CPD: variants seen among roughly 807,000 people sequenced by gnomAD.
CPD encodes carboxypeptidase D.
Under a neutral mutation model 138.3 loss-of-function variants are expected in CPD, and 69 were observed. The observed-to-expected ratio is 0.50, with a 90% CI of 0.41 to 0.61. The LOEUF (loss-of-function observed/expected upper bound fraction) is 0.61. Ranked by LOEUF, CPD falls within the 20% of genes least tolerant of loss-of-function variation. CPD has a pLI of 0.00. For synonymous variants in CPD, 651 were observed against 642.1 expected (o/e 1.01, Z -0.21); for missense variants, 1,432 against 1,733.3 (o/e 0.83, Z 3.09).
At chr17:30,403,920 A>C (rs1381946586) in intron 2 of CPD, among the ~76,000 whole-genome samples, 1 of 152,204 alleles carries the variant, frequency 6.6e-6, no homozygotes, top group Non-Finnish European at 1.5e-5. Context: ...TATTCAATAG[A>C]ATACTTAGTA....
chr17:30,435,981 A>G (rs1277909589), intron 8 of CPD, among the ~76,000 whole-genome samples: 2 of 152,134 alleles, frequency 1.3e-5, no homozygotes, highest in Non-Finnish European at 2.9e-5. Context: ...GTACAAGGAC[A>G]CCGTCATATT....
At position 30,468,299 on chromosome 17, in the gene CPD, T is replaced by C. The variant is rs1465706694; in HGVS notation, c.*3485T>C. 6.6e-6 allele frequency: 1 copy of C among 152,592 alleles called. No individual in the cohort carries two copies. Among genetic ancestry groups the C allele is most frequent in the Non-Finnish European group, 1.5e-5 (1 of 67,982 alleles). The allele number at this position is 152,592 out of a possible 1,614,324, so 9.5% of individuals were successfully genotyped here. ...ATGATTATGATTTTTATAAATGGCATAACATGAGTGTACTAACTACCTTCT... is the reference window on the plus strand; with the variant it reads ...ATGATTATGATTTTTATAAATGGCACAACATGAGTGTACTAACTACCTTCT... On this transcript the variant is annotated 3_prime_UTR_variant, in exon 21 of 21. Coordinates refer to ENST00000225719, the MANE Select transcript of CPD (RefSeq NM_001304.5).
In CPD at chr17:30,394,116, CTTTTTTTTTTTTTTT is replaced by C. The variant is rs35779169; in HGVS notation, c.994+8895_994+8909del. Among the ~76,000 whole-genome samples, 36 of 40,858 alleles carry C rather than the reference CTTTTTTTTTTTTTTT, an allele frequency of 8.8e-4. 1 individual carries two copies. The highest frequency in any genetic ancestry group is 8.5e-3 in the East Asian group (11 of 1,288). 26.8% of individuals were successfully genotyped at this position (40,858 alleles called of 152,430 possible). On this transcript the variant is annotated intron_variant, in intron 2 of 20. Transcript: ENST00000225719. ...TATGATTGCACCACTGCACTCCAGC[CTTTTTTTTTTTTTTT>C]TTTTTTTTTTTTTTGACAGGGGAAG...
chr17:30,439,155 T>C, intron 9 of CPD, 78 bp downstream of exon 9: 1 of 757,254 alleles, frequency 1.3e-6, no homozygotes, highest in Non-Finnish European at 2.2e-6. Context: ...TGTTATTATC[T>C]TTTAGTTTTG....
At chr17:30,383,482 G>A (rs1394639316) in intron 1 of CPD, among the ~76,000 whole-genome samples, 3 of 152,220 alleles carry the variant, frequency 2.0e-5, no homozygotes, top group African/African-American at 7.2e-5. Context: ...TCCAAAGCCT[G>A]TGCCATTGCC....
intron 2 of CPD, among the ~76,000 whole-genome samples, chr17:30,396,257 C>T (rs917059660): frequency 3.3e-5 from 5 of 151,980 alleles, no homozygotes; most frequent in Admixed American, 2.0e-4. Context: ...TGTCTATATT[C>T]CTAGACTTTA....
rs1457974612 is a variant in CPD, at chr17:30,456,474, C to T, written c.3446C>T (p.Pro1149Leu). 2 of 1,613,878 alleles carry T rather than the reference C, an allele frequency of 1.2e-6. No individual in the cohort carries two copies. The highest frequency in any genetic ancestry group is 3.3e-5 in the Admixed American group (2 of 59,982). The change falls in exon 17 of 21, where the codon CCA becomes CTA. Residue 1149 changes from proline to leucine, a missense_variant. Coordinates refer to ENST00000225719, the MANE Select transcript of CPD (RefSeq NM_001304.5). The part of the protein sequence containing the change: ...SCPNKSDENI[P>L]GGVMRGAEWH... ...AATGCTTTTATAGATGAGAATATTC[C>T]AGGAGGAGTAATGCGTGGAGCAGAA...
At chr17:30,380,223 T>C (rs141686646) in intron 1 of CPD, 1 of 168,478 alleles carries the variant, frequency 5.9e-6, no homozygotes, top group East Asian at 1.7e-4. Context: ...ATTGGTTAAC[T>C]GATTTACATA....
chr17:30,451,727 G>A lies in CPD; in HGVS notation c.3086G>A (p.Arg1029Lys), dbSNP rs1422152964. The change falls in exon 14 of 21, where the codon AGG (arginine) becomes AAG (lysine). Residue 1029 changes from arginine (R) to lysine (K), a missense_variant. Arg to Lys is a conservative substitution (Grantham distance 26). Transcript: ENST00000225719. The part of the protein sequence containing the change: ...PAVTQLVDRT[R>K]IVIVPSLNPD... ...GTGCTTCAGTTGGTTGACAGGACTAGGATTGTGATTGTCCCTTCTCTAAAT... is the reference window on the plus strand; with the variant it reads ...GTGCTTCAGTTGGTTGACAGGACTAAGATTGTGATTGTCCCTTCTCTAAAT... The A allele has an allele frequency of 6.2e-7, 1 of 1,613,860 alleles. No individual in the cohort carries two copies. The highest frequency in any genetic ancestry group is 1.3e-5 in the African/African-American group (1 of 74,908).
At chr17:30,416,639 C>A (rs1597717660) in intron 2 of CPD, among the ~76,000 whole-genome samples, 1 of 152,186 alleles carries the variant, frequency 6.6e-6, no homozygotes, top group Non-Finnish European at 1.5e-5. Flanking sequence ...ATTCCTTACA[C>A]TTACCAAACT....
intron 2 of CPD, among the ~76,000 whole-genome samples, chr17:30,415,609 A>G (rs1052072039): frequency 1.3e-5 from 2 of 152,236 alleles, no homozygotes; most frequent in African/African-American, 2.4e-5. Context: ...AAGGACTTAA[A>G]TGGACATTTC....
intron 2 of CPD, among the ~76,000 whole-genome samples, chr17:30,409,662 C>T (rs937748480): frequency 2.0e-5 from 3 of 151,992 alleles, no homozygotes; most frequent in African/African-American, 7.3e-5. Context: ...ATAGTATTCT[C>T]TGATGGTAGT....
At chr17:30,420,815 G>A (rs994942143) in intron 2 of CPD, 26 bp from the exon 3 acceptor site, 17 of 1,587,334 alleles carry the variant, frequency 1.1e-5, no homozygotes, top group Admixed American at 1.7e-5. Flanking sequence ...CCTTCTGAGA[G>A]TAAACTTATT....
rs1385382564 is a variant in CPD at position 30,468,112 on chromosome 17, CT to C, written c.*3299del. 6.6e-6 allele frequency: 1 copy of C among 152,394 alleles called. No individual in the cohort carries two copies. Among genetic ancestry groups the C allele is most frequent in the Non-Finnish European group, 1.5e-5 (1 of 67,986 alleles). 9.4% of individuals were successfully genotyped at this position (152,394 alleles called of 1,614,324 possible). A position where few individuals can be genotyped will look rare whatever the true frequency, so the allele number is the denominator to read the frequency against. On this transcript the variant is annotated 3_prime_UTR_variant, in exon 21 of 21. Transcript: ENST00000225719. The stretch of plus-strand genomic sequence containing the variant: ...GGATTTCTAGTTCATGAAGAAATCT[CT>C]CCCAATACCCATTTATCCTATTTTT...
intron 2 of CPD, among the ~76,000 whole-genome samples, chr17:30,397,609 A>T (rs1416937063): frequency 6.6e-6 from 1 of 151,754 alleles, no homozygotes; most frequent in Non-Finnish European, 1.5e-5. Context: ...ATGGTGGTGC[A>T]CATCTGCAGT....
chr17:30,441,936 A>T (rs1912880649), intron 9 of CPD, among the ~76,000 whole-genome samples: 1 of 148,586 alleles, frequency 6.7e-6, no homozygotes, highest in Non-Finnish European at 1.5e-5. Flanking sequence ...AAAATGAGTT[A>T]GGGAGGATTC....
At chr17:30,456,045 C>A in intron 15 of CPD, 1 of 530,734 alleles carries the variant, frequency 1.9e-6, no homozygotes, top group East Asian at 3.2e-5. Context: ...TGTGAAAACT[C>A]ACCATTAGAA....
In CPD at chr17:30,423,704, A is replaced by G; in HGVS notation, c.1849+7A>G. 6.6e-7 allele frequency: 1 copy of G among 1,518,286 alleles called. No individual in the cohort carries two copies. The highest frequency in any genetic ancestry group is 8.9e-7 in the Non-Finnish European group (1 of 1,124,730). 94.1% of individuals were successfully genotyped at this position (1,518,286 alleles called of 1,614,324 possible). A position where few individuals can be genotyped will look rare whatever the true frequency, so the allele number is the denominator to read the frequency against. The stretch of plus-strand genomic sequence containing the variant: ...TATGAAAAGTCCCAGGAAGGTAAAG[A>G]ATAGCATTTAATTCTTAATCATTTG... On this transcript the variant is annotated splice_region_variant and intron_variant, in intron 6 of 20. Coordinates refer to ENST00000225719, the MANE Select transcript of CPD (RefSeq NM_001304.5).
At chr17:30,425,026 A>T (rs763458524) in intron 6 of CPD, among the ~76,000 whole-genome samples, 1 of 152,070 alleles carries the variant, frequency 6.6e-6, no homozygotes, top group African/African-American at 2.4e-5. Flanking sequence ...TAAGGTTCTC[A>T]TTCTTTGTCA....
Sources: gnomAD v4.1 joint callset for allele counts (sites outside exome capture counted in the v4.1 genomes callset) on GRCh38, gnomAD v4.1.1 for gene constraint, MANE v1.5 for transcripts, NCBI Gene and HGNC (gene_info 2026-07-23, HGNC 2026-07-21) for gene names.